Variants in FLT4 observed in about 807,000 individuals in gnomAD.
The protein encoded by FLT4 is vascular endothelial growth factor receptor 3.
In FLT4, 30 loss-of-function variants were observed where a neutral mutation model predicts 163.2. The observed-to-expected ratio is 0.18, with a 90% CI of 0.14 to 0.25. The LOEUF (loss-of-function observed/expected upper bound fraction) is 0.25, where lower values mean the gene tolerates loss of function less well. FLT4 is among the 10% of genes least tolerant of loss of function. The pLI is 1.00. For missense variants in FLT4, 1,510 were observed against 1,863.8 expected, an observed-to-expected ratio of 0.81 and a Z score of 3.50; for synonymous variants, 884 against 789.5, an observed-to-expected ratio of 1.12 and a Z score of -2.01.
intron 1 of FLT4, among the ~76,000 whole-genome samples, chr5:180,633,299 A>T (rs1201025909): frequency 1.3e-5 from 2 of 152,140 alleles, no homozygotes; most frequent in Non-Finnish European, 2.9e-5. Context: ...AAGGGCCTTA[A>T]ACCACACATC....
chr5:180,647,902 G>C (rs1011842503), intron 1 of FLT4, among the ~76,000 whole-genome samples: 1 of 152,128 alleles, frequency 6.6e-6, no homozygotes, highest in Non-Finnish European at 1.5e-5. Context: ...CCACCCGGGA[G>C]CACCAGGACA....
At position 180,616,882 on chromosome 5, in the gene FLT4, C is replaced by T; in HGVS notation, c.3096+18G>A. The T allele has an allele frequency of 1.2e-6, 2 of 1,602,460 alleles. No homozygotes were observed. Among genetic ancestry groups the T allele is most frequent in the Non-Finnish European group, 1.7e-6 (2 of 1,170,080 alleles). On this transcript the variant is annotated intron_variant, in intron 22 of 29. Transcript: ENST00000261937. ...ATGCACCCTTTTCCCGTCTGAAGGG[C>T]CTTCGGGGGAAGCTCACCTTTCGGG...
In FLT4 at chr5:180,626,217, C is replaced by G. The variant is rs766928567; in HGVS notation, c.1152G>C (p.Leu384=). The G allele has an allele frequency of 4.3e-6, 7 of 1,612,704 alleles. No homozygotes were observed. The African/African-American group carries it at 9.3e-5, about 22-fold the overall frequency. Residue 384 remains leucine (L), a synonymous_variant, in exon 9 of 30, where the codon CTG becomes CTC. Coordinates refer to ENST00000261937, the MANE Select transcript of FLT4 (RefSeq NM_182925.5). The stretch of plus-strand genomic sequence containing the variant: ...TGGCCTCTGTCACCTCCTTGAGCAC[C>G]AGGGCATGTGGACTGTGGCGCCCGG... ...ALSGRHSPHA[L]VLKEVTEAST...
rs550828520 is a variant in FLT4, at chr5:180,602,460, G to A, written c.*732C>T. 55 of 396,436 alleles carry A rather than the reference G, an allele frequency of 1.4e-4. No homozygotes were observed. Among genetic ancestry groups the A allele is most frequent in the African/African-American group, 1.1e-3 (53 of 48,708 alleles). The allele number at this position is 396,436 out of a possible 1,614,324, so 24.6% of individuals were successfully genotyped here. A position where few individuals can be genotyped will look rare whatever the true frequency, so the allele number is the denominator to read the frequency against. On this transcript the variant is annotated 3_prime_UTR_variant, in exon 30 of 30. Coordinates refer to ENST00000261937, the MANE Select transcript of FLT4 (RefSeq NM_182925.5). The stretch of plus-strand genomic sequence containing the variant: ...CTGGGCGCCTTCCAGGCTGAATTCG[G>A]AAAGCAAATTCTTCTCAGCAGCTCT...
At position 180,620,886 on chromosome 5, in the gene FLT4, C is replaced by G. The variant is rs780638128; in HGVS notation, c.2289G>C (p.Val763=). ...AGCCTGAGGCCAGACCTTCCACGGC[C>G]ACGCTGGCGGAGGAGTTGACGCAGC... ...AKGCVNSSAS[V]AVEGSEDKGS... is the part of the protein sequence containing the mutation. The change falls in exon 15 of 30, where the codon GTG becomes GTC. Residue 763 remains valine, a synonymous_variant. Transcript: ENST00000261937. The surrounding 1 kb of genome is among the most constrained non-coding windows in gnomAD (Gnocchi z 4.4). 6 of 1,609,730 alleles carry G rather than the reference C, an allele frequency of 3.7e-6. No individual in the cohort carries two copies. The African/African-American group carries it at 8.0e-5, about 21-fold the overall frequency.
rs1762424204 is a variant in FLT4 at position 180,614,056 on chromosome 5, T to C, written c.3331+12A>G. The C allele has an allele frequency of 6.3e-7, 1 of 1,583,696 alleles. No individual in the cohort carries two copies. Among genetic ancestry groups the C allele is most frequent in the African/African-American group, 1.3e-5 (1 of 74,362 alleles). On this transcript the variant is annotated intron_variant, in intron 24 of 29. Transcript: ENST00000261937. Reference sequence around the variant, plus strand: ...GCCTCCTCTCCCCACCGGCACCCCATCCTGCACTCACCCAGAGAGAAGATC... The same window carrying C: ...GCCTCCTCTCCCCACCGGCACCCCACCCTGCACTCACCCAGAGAGAAGATC...
At chr5:180,614,691 GC>G (rs1762501709) in intron 23 of FLT4, among the ~76,000 whole-genome samples, 1 of 145,996 alleles carries the variant, frequency 6.8e-6, no homozygotes, top group Non-Finnish European at 1.5e-5. Context: ...GAGGGCCAGG[GC>G]CCTTCTGGAC....
In FLT4 at chr5:180,616,498, C is replaced by T. The variant is rs112258507; in HGVS notation, c.3097-9G>A. 8.7e-6 allele frequency: 14 copies of T among 1,613,308 alleles called. No individual in the cohort carries two copies. Among genetic ancestry groups the T allele is most frequent in the African/African-American group, 4.0e-5 (3 of 74,926 alleles). On this transcript the variant is annotated splice_polypyrimidine_tract_variant and intron_variant, in intron 22 of 29. Transcript: ENST00000261937. The stretch of plus-strand genomic sequence containing the variant: ...AGGTCTCTGTGGATGCACTGGGGTG[C>T]GGGGAGGCGGCAGGGGGGCTGTCAG...
chr5:180,606,301 C>T (rs901732766), intron 29 of FLT4, among the ~76,000 whole-genome samples: 14 of 152,248 alleles, frequency 9.2e-5, no homozygotes, highest in Non-Finnish European at 2.1e-4. Flanking sequence ...TCTGGCTCGC[C>T]GCCCTTTCAG....
chr5:180,631,430 A>T (rs112500003), intron 2 of FLT4, among the ~76,000 whole-genome samples: 2 of 151,822 alleles, frequency 1.3e-5, no homozygotes, highest in South Asian at 2.1e-4. Flanking sequence ...CCGAGATCGC[A>T]CCACTGCACT....
At chr5:180,647,858 C>G (rs1367904683) in intron 1 of FLT4, among the ~76,000 whole-genome samples, 1 of 152,126 alleles carries the variant, frequency 6.6e-6, no homozygotes, top group Non-Finnish European at 1.5e-5. Flanking sequence ...CAGGGAATAG[C>G]TTCCTCACCC....
chr5:180,637,567 T>C (rs1167255209), intron 1 of FLT4, among the ~76,000 whole-genome samples: 3 of 151,968 alleles, frequency 2.0e-5, no homozygotes, highest in Non-Finnish European at 4.4e-5. Flanking sequence ...GGAGTTTAGC[T>C]CGTCGCCCAG....
intron 29 of FLT4, chr5:180,608,157 C>T (rs1172099313): frequency 1.4e-6 from 1 of 700,406 alleles, no homozygotes; most frequent in South Asian, 1.5e-5. Context: ...CCTCCTGGTT[C>T]CTCTTTGAAG....
intron 10 of FLT4, among the ~76,000 whole-genome samples, chr5:180,625,054 G>A (rs1016482444): frequency 6.6e-6 from 1 of 152,156 alleles, no homozygotes; most frequent in East Asian, 1.9e-4. Flanking sequence ...CACCCCTACT[G>A]AGCCTCCCCC....
intron 1 of FLT4, among the ~76,000 whole-genome samples, chr5:180,634,694 CAAA>C (rs1214794098): frequency 4.4e-4 from 16 of 36,392 alleles, no homozygotes; most frequent in South Asian, 2.0e-3. Context: ...GACTCCGTCT[CAAA>C]AAAAAAAAAA....
At chr5:180,624,190 C>T (rs1021062533) in intron 10 of FLT4, 129 bp from the exon 11 acceptor site, 12 of 1,001,414 alleles carry the variant, frequency 1.2e-5, no homozygotes, top group African/African-American at 6.5e-5. Flanking sequence ...GGCTGGCCCT[C>T]GGGCCTGGGT....
At chr5:180,632,156 G>T (rs1294968104) in intron 1 of FLT4, among the ~76,000 whole-genome samples, 1 of 152,046 alleles carries the variant, frequency 6.6e-6, no homozygotes, top group African/African-American at 2.4e-5. Flanking sequence ...GCTGCTGCCT[G>T]AGGCCCTCCC....
In FLT4 at chr5:180,629,369, G is replaced by T; in HGVS notation, c.875C>A (p.Ser292Tyr). ...GACGTTGTGGATGGTCAGGATGCTG[G>T]AGAGTTCTGTGTGGGTCTGCTGGGA... ...RRSQQTHTEL[S>Y]SILTIHNVSQ... The change falls in exon 7 of 30, where the codon TCC (serine) becomes TAC (tyrosine). Residue 292 changes from serine (S) to tyrosine (Y), a missense_variant. By Grantham distance (144) the Ser-to-Tyr change is moderately radical (BLOSUM62 -2). Transcript: ENST00000261937. 6.2e-7 allele frequency: 1 copy of T among 1,612,836 alleles called. No individual in the cohort carries two copies. Among genetic ancestry groups the T allele is most frequent in the South Asian group, 1.1e-5 (1 of 91,068 alleles).
chr5:180,637,953 C>T (rs940580706), intron 1 of FLT4, among the ~76,000 whole-genome samples: 11 of 152,232 alleles, frequency 7.2e-5, no homozygotes, highest in African/African-American at 2.7e-4. Context: ...CTAGTCTCCC[C>T]TCATCCACCA....
Sources: allele counts gnomAD v4.1 joint callset (sites outside exome capture counted in the v4.1 genomes callset), GRCh38; gene constraint gnomAD v4.1.1; non-coding constraint Gnocchi (gnomAD v3.1); transcripts MANE v1.5; gene names NCBI Gene and HGNC (gene_info 2026-07-23, HGNC 2026-07-21).